N4BP1: variants seen among roughly 807,000 people sequenced by gnomAD.
The protein encoded by N4BP1 is NEDD4 binding protein 1.
A neutral mutation model predicts 70.9 loss-of-function variants in N4BP1; 21 were observed. The observed-to-expected ratio is 0.30, with a 90% confidence interval of 0.21 to 0.43. N4BP1 has a LOEUF of 0.43. N4BP1 is among the 20% of genes least tolerant of loss of function. The probability of loss-of-function intolerance (pLI) is 1.00; values close to 1 mark genes in which losing one functional copy is unlikely to be tolerated. For missense variants in N4BP1, 936 were observed against 1,069.4 expected, an observed-to-expected ratio of 0.88 and a Z score of 1.74; for synonymous variants, 387 against 394.6, an observed-to-expected ratio of 0.98 and a Z score of 0.23.
In N4BP1 at chr16:48,540,592, A is replaced by G. The variant is rs1963482465; in HGVS notation, c.*2312T>C. ...CCTCGGGAAGAATGTAGGCCCAGGA[A>G]TCACCCAGCCCCTCAGGACAACCTC... On this transcript the variant is annotated 3_prime_UTR_variant, in exon 7 of 7. Transcript: ENST00000262384. 6.6e-6 allele frequency: 1 copy of G among 152,388 alleles called. No individual in the cohort carries two copies. Among genetic ancestry groups the G allele is most frequent in the Non-Finnish European group, 1.5e-5 (1 of 68,146 alleles). The allele number at this position is 152,388 out of a possible 1,614,324, so 9.4% of individuals were successfully genotyped here.
intron 1 of N4BP1, among the ~76,000 whole-genome samples, chr16:48,585,862 A>T (rs1055575316): frequency 6.6e-6 from 1 of 151,674 alleles, no homozygotes; most frequent in Non-Finnish European, 1.5e-5. Context: ...TGCCCAGCTA[A>T]TTTTTGTATT....
At position 48,561,012 on chromosome 16, in the gene N4BP1, T is replaced by C. The variant is rs759663443; in HGVS notation, c.1631A>G (p.Lys544Arg). Residue 544 changes from lysine (K) to arginine (R), a missense_variant, in exon 2 of 7, where the codon AAA (lysine) becomes AGA (arginine). Coordinates refer to ENST00000262384, the MANE Select transcript of N4BP1 (RefSeq NM_153029.4). Reference protein sequence around the residue: ...LPNNMKSACEKRLGCCSSPHS... With the variant: ...LPNNMKSACERRLGCCSSPHS... The stretch of plus-strand genomic sequence containing the variant: ...AGGAGAACTACAACATCCTAAACGT[T>C]TTTCACAGGCAGATTTCATATTATT... 6.2e-7 allele frequency: 1 copy of C among 1,613,982 alleles called. No homozygotes were observed. Among genetic ancestry groups the C allele is most frequent in the East Asian group, 2.2e-5 (1 of 44,896 alleles).
Position 48,561,280 on chromosome 16 carries a change from T to C in N4BP1, c.1363A>G (p.Thr455Ala). Reference sequence around the variant, plus strand: ...AAAGTATTAATTCTACAATTTGAGGTACATGGTTTAGCTTCCACTTTGAAT... The same window carrying C: ...AAAGTATTAATTCTACAATTTGAGGCACATGGTTTAGCTTCCACTTTGAAT... Reference protein sequence around the residue: ...LPFKVEAKPCTSNCRINTFRT... With the variant: ...LPFKVEAKPCASNCRINTFRT... Residue 455 changes from threonine (T) to alanine (A), a missense_variant, in exon 2 of 7, where the codon ACC becomes GCC. Physicochemically the swap from Thr to Ala is moderately conservative, Grantham distance 58. This residue lies in a region of N4BP1 where 515 missense variants were observed against 491.7 expected (regional missense o/e 1.05). Coordinates refer to ENST00000262384, the MANE Select transcript of N4BP1 (RefSeq NM_153029.4). 1.9e-6 allele frequency: 3 copies of C among 1,613,922 alleles called. No homozygotes were observed. The highest frequency in any genetic ancestry group is 2.5e-6 in the Non-Finnish European group (3 of 1,179,854).
intron 4 of N4BP1, among the ~76,000 whole-genome samples, chr16:48,548,664 T>C (rs148270642): frequency 5.6e-4 from 85 of 152,080 alleles, no homozygotes; most frequent in African/African-American, 1.9e-3. Context: ...CTGGGCAACA[T>C]GGTGAAACCC....
intron 1 of N4BP1, among the ~76,000 whole-genome samples, chr16:48,608,269 C>T (rs956893107): frequency 6.6e-6 from 1 of 152,118 alleles, no homozygotes; most frequent in Non-Finnish European, 1.5e-5. Context: ...TCCCAAAGTG[C>T]TAGGATTACA....
Position 48,609,882 on chromosome 16 carries a change from A to G in N4BP1, c.91T>C (p.Phe31Leu). 1 of 1,480,818 alleles carries G rather than the reference A, an allele frequency of 6.8e-7. No individual in the cohort carries two copies. Among genetic ancestry groups the G allele is most frequent in the Non-Finnish European group, 8.9e-7 (1 of 1,118,340 alleles). The allele number at this position is 1,480,818 out of a possible 1,614,324, so 91.7% of individuals were successfully genotyped here. Residue 31 changes from phenylalanine to leucine, a missense_variant, in exon 1 of 7, where the codon TTT becomes CTT. Physicochemically the swap from Phe to Leu is conservative, Grantham distance 22. Coordinates refer to ENST00000262384, the MANE Select transcript of N4BP1 (RefSeq NM_153029.4). ...EQSRGRIEGLFGVSLAVLGAL... is the reference protein window; with the variant it reads ...EQSRGRIEGLLGVSLAVLGAL... ...CCGAGCACGGCTAGGCTCACGCCAA[A>G]CAGGCCCTCGATACGGCCGCGGCTC... is the stretch of plus-strand genomic sequence containing the variant.
chr16:48,607,483 G>C (rs1168025205), intron 1 of N4BP1, among the ~76,000 whole-genome samples: 1 of 152,182 alleles, frequency 6.6e-6, no homozygotes, highest in African/African-American at 2.4e-5. Context: ...GGTGACAGGA[G>C]GCTCTAGTAG....
chr16:48,589,691 A>C (rs535644854), intron 1 of N4BP1, among the ~76,000 whole-genome samples: 1 of 152,202 alleles, frequency 6.6e-6, no homozygotes, highest in African/African-American at 2.4e-5. Context: ...ATCACAAAAC[A>C]ACCTGGGAAA....
chr16:48,583,800 T>G (rs1372163965), intron 1 of N4BP1, among the ~76,000 whole-genome samples: 1 of 152,198 alleles, frequency 6.6e-6, no homozygotes. Flanking sequence ...ATTTTTACAC[T>G]TTGGCAGTAG....
chr16:48,580,967 G>A (rs1457648008), intron 1 of N4BP1, among the ~76,000 whole-genome samples: 1 of 152,044 alleles, frequency 6.6e-6, no homozygotes. Context: ...CCAGGGACCT[G>A]AGTAGCTGCA....
Position 48,561,000 on chromosome 16 carries a change from C to T in N4BP1, c.1643G>A (p.Cys548Tyr), listed in dbSNP as rs1963846809. The T allele has an allele frequency of 1.2e-6, 2 of 1,614,004 alleles. No individual in the cohort carries two copies. The highest frequency in any genetic ancestry group is 1.6e-4 in the Middle Eastern group (1 of 6,062). The stretch of plus-strand genomic sequence containing the variant: ...TGGCTTAGAATGAGGAGAACTACAA[C>T]ATCCTAAACGTTTTTCACAGGCAGA... ...MKSACEKRLG[C>Y]CSSPHSKPNC... Residue 548 changes from cysteine (C) to tyrosine (Y), a missense_variant, in exon 2 of 7, where the codon TGT (cysteine) becomes TAT (tyrosine). Transcript: ENST00000262384.
rs1024136731 is a variant in N4BP1 at position 48,610,179 on chromosome 16, C to A, written c.-207G>T. Reference sequence around the variant, plus strand: ...TGGCAATTGCTGGCAGCGAACCCCTCCGCCCCTTTGCCGCCGCCGCGGGCC... The same window carrying A: ...TGGCAATTGCTGGCAGCGAACCCCTACGCCCCTTTGCCGCCGCCGCGGGCC... On this transcript the variant is annotated 5_prime_UTR_variant, in exon 1 of 7. Transcript: ENST00000262384. The A allele has an allele frequency of 3.1e-5, 5 of 161,808 alleles. No homozygotes were observed. The highest frequency in any genetic ancestry group is 1.8e-4 in the South Asian group (1 of 5,698). The allele number at this position is 161,808 out of a possible 1,614,324, so 10.0% of individuals were successfully genotyped here.
In N4BP1 at chr16:48,602,631, C is replaced by T. The variant is rs1820602935; in HGVS notation, c.198+7144G>A. 2.0e-5 allele frequency among the ~76,000 whole-genome samples: 3 copies of T among 151,938 alleles called. 1 individual carries two copies. The highest frequency in any genetic ancestry group is 6.8e-3 in the Middle Eastern group (2 of 292). The stretch of plus-strand genomic sequence containing the variant: ...TGAGTAAAAAATATTCTGGGAAGTG[C>T]AAAAAAGGCCACCAACCTTCTTCCT... On this transcript the variant is annotated intron_variant, in intron 1 of 6. Transcript: ENST00000262384.
At chr16:48,555,991 T>C (rs1043691657) in intron 2 of N4BP1, among the ~76,000 whole-genome samples, 2 of 152,032 alleles carry the variant, frequency 1.3e-5, no homozygotes, top group African/African-American at 4.8e-5. Flanking sequence ...AGAGGAGGAG[T>C]ACCCAGTTCA....
chr16:48,558,885 G>A (rs1040299948), intron 2 of N4BP1, among the ~76,000 whole-genome samples: 5 of 152,160 alleles, frequency 3.3e-5, no homozygotes, highest in South Asian at 4.1e-4. Flanking sequence ...ATGAAGATAA[G>A]CATATTGCAT....
chr16:48,560,872 T>C lies in N4BP1; in HGVS notation c.1771A>G (p.Thr591Ala). The C allele has an allele frequency of 6.2e-7, 1 of 1,613,934 alleles. No individual in the cohort carries two copies. The highest frequency in any genetic ancestry group is 8.5e-7 in the Non-Finnish European group (1 of 1,179,862). Residue 591 changes from threonine to alanine, a missense_variant, in exon 2 of 7, where the codon ACT (threonine) becomes GCT (alanine). This residue lies in a region of N4BP1 where 515 missense variants were observed against 491.7 expected (regional missense o/e 1.05). Transcript: ENST00000262384. ...GTATCTCGAAACCTTTGAACCCCAG[T>C]AACTGAGGAATCAATATGATCAGAA... ...GPSDHIDSSVTGVQRFRDTLK... is the reference protein window; with the variant it reads ...GPSDHIDSSVAGVQRFRDTLK...
chr16:48,576,588 CAT>C (rs113869842), intron 1 of N4BP1, among the ~76,000 whole-genome samples: 3 of 152,328 alleles, frequency 2.0e-5, no homozygotes, highest in African/African-American at 7.2e-5. Flanking sequence ...TCCCAAATCT[CAT>C]GTCTGTTGTC....
chr16:48,543,136 G>A lies in N4BP1; in HGVS notation c.2459C>T (p.Ser820Leu), dbSNP rs754505839. 1.9e-6 allele frequency: 3 copies of A among 1,607,096 alleles called. No homozygotes were observed. Among genetic ancestry groups the A allele is most frequent in the South Asian group, 2.2e-5 (2 of 90,864 alleles). Residue 820 changes from serine to leucine, a missense_variant, in exon 7 of 7, where the codon TCA (serine) becomes TTA (leucine). Ser to Leu is a moderately radical substitution (Grantham distance 145, BLOSUM62 -2). Around this residue, in one of 4 missense-constraint regions of N4BP1, gnomAD observed 229 missense variants for 343.5 expected, o/e 0.67. Transcript: ENST00000262384. ...GGGCTGCTGAGGGAGCCAGTGGCTTGAAGGGGCTCCCTGAATCCGGGTCGG... is the reference window on the plus strand; with the variant it reads ...GGGCTGCTGAGGGAGCCAGTGGCTTAAAGGGGCTCCCTGAATCCGGGTCGG... ...QPPTRIQGAP[S>L]SHWLPQQPHF...
intron 2 of N4BP1, among the ~76,000 whole-genome samples, chr16:48,557,252 C>T (rs1963767993): frequency 6.6e-6 from 1 of 152,200 alleles, no homozygotes; most frequent in Non-Finnish European, 1.5e-5. Context: ...TCCCCAACTA[C>T]TTGGGTCAAA....
Sources: allele counts gnomAD v4.1 joint callset (sites outside exome capture counted in the v4.1 genomes callset), GRCh38; gene constraint gnomAD v4.1.1; regional missense constraint gnomAD v4.1.1; transcripts MANE v1.5; gene names NCBI Gene and HGNC (gene_info 2026-07-23, HGNC 2026-07-21).